Variants in LRP1B observed in about 807,000 individuals in gnomAD.
LRP1B encodes the protein low-density lipoprotein receptor-related protein 1B.
In LRP1B, 217 loss-of-function variants were observed where a neutral mutation model predicts 556.6. That is an observed-to-expected ratio of 0.39 (90% CI 0.35 to 0.44). The LOEUF (loss-of-function observed/expected upper bound fraction) is 0.44. Ranked by LOEUF, LRP1B falls within the 20% of genes least tolerant of loss-of-function variation. The probability of loss-of-function intolerance (pLI) is 1.00; values close to 1 mark genes in which losing one functional copy is unlikely to be tolerated. For synonymous variants in LRP1B, 2,047 were observed against 1,865.8 expected (o/e 1.10, Z -2.50); for missense variants, 5,053 against 5,620.8 (o/e 0.90, Z 3.23).
chr2:140,383,848 G>A (rs746205279), intron 67 of LRP1B, among the ~76,000 whole-genome samples: 1 of 152,110 alleles, frequency 6.6e-6, no homozygotes, highest in Non-Finnish European at 1.5e-5. Context: ...ACATAATTGG[G>A]TATTTTATAC....
chr2:140,738,634 G>GA (rs1688029996), intron 35 of LRP1B, among the ~76,000 whole-genome samples: 1 of 152,076 alleles, frequency 6.6e-6, no homozygotes, highest in Non-Finnish European at 1.5e-5. Context: ...CCAGTCTTGA[G>GA]AAAAATTTCT....
rs1020667373 is a variant in LRP1B, at chr2:140,770,031, AT to A, written c.5627-688del. Among the ~76,000 whole-genome samples, 341 of 151,946 alleles carry A rather than the reference AT, an allele frequency of 2.2e-3. 1 individual carries two copies. The highest frequency in any genetic ancestry group is 7.7e-3 in the African/African-American group (320 of 41,536). ...TGCCAATATATTAGAAAATATTTAT[AT>A]TTTTTTCTTATTAAAACTAGAATGC... On this transcript the variant is annotated intron_variant, in intron 34 of 90. Transcript: ENST00000389484.
chr2:140,483,636 A>AT (rs1486364713), intron 59 of LRP1B, among the ~76,000 whole-genome samples: 37 of 72,344 alleles, frequency 5.1e-4, no homozygotes, highest in African/African-American at 1.5e-3. Context: ...ATATATATAT[A>AT]TATATTTTTT....
At chr2:141,440,242 C>G (rs1454833888) in intron 3 of LRP1B, among the ~76,000 whole-genome samples, 1 of 152,196 alleles carries the variant, frequency 6.6e-6, no homozygotes, top group Non-Finnish European at 1.5e-5. Context: ...CCCTCCTGCT[C>G]CAGGGACTTA....
chr2:140,782,340 A>G (rs1331013298), intron 32 of LRP1B, among the ~76,000 whole-genome samples: 6 of 152,230 alleles, frequency 3.9e-5, no homozygotes, highest in African/African-American at 1.4e-4. Context: ...AATTAAGTCT[A>G]AACGAGGCCC....
rs534573642 is a variant in LRP1B at position 140,763,229 on chromosome 2, T to C, written c.5758+5984A>G. ...CTCTCAGCAGCTACTAATAATTTACTGTGAATTGAAGTAACCATGCCTTTA... is the reference window on the plus strand; with the variant it reads ...CTCTCAGCAGCTACTAATAATTTACCGTGAATTGAAGTAACCATGCCTTTA... On this transcript the variant is annotated intron_variant, in intron 35 of 90. Coordinates refer to ENST00000389484, the MANE Select transcript of LRP1B (RefSeq NM_018557.3). Among the ~76,000 whole-genome samples the C allele has an allele frequency of 7.9e-5, 12 of 152,280 alleles. No homozygotes were observed. In the South Asian group the frequency reaches 2.3e-3, roughly 29 times the overall value.
chr2:140,977,386 C>G (rs910094712), intron 18 of LRP1B, among the ~76,000 whole-genome samples: 1 of 152,108 alleles, frequency 6.6e-6, no homozygotes, highest in Non-Finnish European at 1.5e-5. Flanking sequence ...GTAAATTGTC[C>G]AGTCTACGGT....
At chr2:140,972,931 A>G (rs1696475797) in intron 18 of LRP1B, among the ~76,000 whole-genome samples, 1 of 118,538 alleles carries the variant, frequency 8.4e-6, no homozygotes, top group African/African-American at 3.0e-5. Flanking sequence ...TTTTTTGCTG[A>G]TGCAGCTTTT....
At chr2:140,913,509 C>T (rs1441372874) in intron 21 of LRP1B, among the ~76,000 whole-genome samples, 3 of 151,934 alleles carry the variant, frequency 2.0e-5, no homozygotes, top group Admixed American at 2.0e-4. Context: ...TTAATATAGA[C>T]AGCTGCCTTA....
chr2:141,833,959 T>G (rs1372937134), intron 1 of LRP1B, among the ~76,000 whole-genome samples: 5,416 of 151,694 alleles, frequency 0.036, 314 homozygotes, highest in African/African-American at 0.12. Context: ...ACTTACCACT[T>G]GAAGAGGATT....
intron 7 of LRP1B, among the ~76,000 whole-genome samples, chr2:141,137,585 T>C (rs1701522035): frequency 6.6e-6 from 1 of 152,002 alleles, no homozygotes; most frequent in Admixed American, 6.6e-5. Flanking sequence ...CTCACGTACT[T>C]ATTATATTTT....
Position 140,526,225 on chromosome 2 carries a change from G to T in LRP1B, c.7876+12C>A. On this transcript the variant is annotated intron_variant, in intron 48 of 90. Transcript: ENST00000389484. ...CAAGCATAAACAGACAAAAGGTAGT[G>T]GAATATCTTACTGCAGTTCTTTTCA... The T allele has an allele frequency of 1.2e-6, 2 of 1,603,906 alleles. No homozygotes were observed. Among genetic ancestry groups the T allele is most frequent in the South Asian group, 2.2e-5 (2 of 90,810 alleles).
intron 35 of LRP1B, among the ~76,000 whole-genome samples, chr2:140,758,548 C>T (rs16844622): frequency 0.031 from 4,686 of 152,030 alleles, 230 homozygotes; most frequent in African/African-American, 0.1. Flanking sequence ...TGGTATTATT[C>T]TACCAACTAA....
At chr2:141,571,983 T>G (rs548591617) in intron 2 of LRP1B, among the ~76,000 whole-genome samples, 2 of 152,146 alleles carry the variant, frequency 1.3e-5, no homozygotes, top group East Asian at 3.9e-4. Context: ...ATAGGGAGAA[T>G]GGAAACAAGC....
At chr2:140,557,307 G>A (rs575909160) in intron 43 of LRP1B, among the ~76,000 whole-genome samples, 4 of 152,134 alleles carry the variant, frequency 2.6e-5, no homozygotes, top group African/African-American at 9.6e-5. Context: ...CATTAAGTCT[G>A]TTTACCCATA....
chr2:141,826,935 G>A (rs967885591), intron 1 of LRP1B, among the ~76,000 whole-genome samples: 4 of 151,866 alleles, frequency 2.6e-5, no homozygotes, highest in African/African-American at 7.3e-5. Context: ...AAATATCCGC[G>A]TTTCTGTCAA....
At position 141,544,325 on chromosome 2, in the gene LRP1B, C is replaced by CTTCTTCTTCTTCTTCTT. The variant is rs1324478549; in HGVS notation, c.206-63809_206-63793dup. Among the ~76,000 whole-genome samples, 164 of 55,608 alleles carry CTTCTTCTTCTTCTTCTT rather than the reference C, an allele frequency of 2.9e-3. 1 individual carries two copies. In the East Asian group the frequency reaches 0.03, roughly 10 times the overall value. The allele number at this position is 55,608 out of a possible 152,430, so 36.5% of individuals were successfully genotyped here. ...TCTTCTTCTTCTTCTTCTTCTTCTT[C>CTTCTTCTTCTTCTTCTT]TTCTTCTTCTTCTTCTTCTTCTTCT... On this transcript the variant is annotated intron_variant, in intron 2 of 90. Transcript: ENST00000389484.
chr2:140,973,052 T>TTATA (rs200336213), intron 18 of LRP1B, among the ~76,000 whole-genome samples: 2,293 of 138,546 alleles, frequency 0.017, 35 homozygotes, highest in East Asian at 0.04. Flanking sequence ...ATATTTCATT[T>TTATA]TATATATATA....
At chr2:140,776,320 T>C in intron 32 of LRP1B, 82 bp from the exon 33 acceptor site, 12 of 861,608 alleles carry the variant, frequency 1.4e-5, no homozygotes, top group Non-Finnish European at 1.9e-5. Context: ...ACTATAATAC[T>C]CTCTGATTTC....
Sources: allele counts gnomAD v4.1 joint callset (sites outside exome capture counted in the v4.1 genomes callset), GRCh38; gene constraint gnomAD v4.1.1; transcripts MANE v1.5; gene names NCBI Gene and HGNC (gene_info 2026-07-23, HGNC 2026-07-21).